FAAH2: variants seen among roughly 807,000 people sequenced by gnomAD.
The protein encoded by FAAH2 is fatty-acid amide hydrolase 2.
FAAH2 carries 60 observed loss-of-function variants against 36.9 expected under a neutral mutation model. That is an observed-to-expected ratio of 1.63 (90% CI 1.32 to 2.02). The LOEUF (loss-of-function observed/expected upper bound fraction) is 2.02. Ranked by LOEUF, FAAH2 falls within the 30% of genes most tolerant of loss-of-function variation. FAAH2 has a pLI of 0.00. For missense variants in FAAH2, 689 were observed against 397.5 expected (o/e 1.73, Z -6.23); for synonymous variants, 214 against 143.8 (o/e 1.49, Z -3.49).
At chrX:57,376,049 C>A (rs2054666608) in intron 5 of FAAH2, among the ~76,000 whole-genome samples, 1 of 111,229 alleles carries the variant, frequency 9.0e-6, no homozygotes, top group African/African-American at 3.3e-5. Context: ...GCAACAAGAG[C>A]AAGTGGGCTG....
At chrX:57,460,747 C>A (rs563261150) in intron 10 of FAAH2, among the ~76,000 whole-genome samples, 2 of 111,728 alleles carry the variant, frequency 1.8e-5, no homozygotes, top group African/African-American at 6.5e-5. Context: ...CATCAACTAA[C>A]GTGCAAAATA....
intron 5 of FAAH2, among the ~76,000 whole-genome samples, chrX:57,377,841 C>T (rs5914997): frequency 0.21 from 23,393 of 111,130 alleles, 2,269 homozygotes; most frequent in Middle Eastern, 0.55. Context: ...TTGTACTTCT[C>T]CTTGAAGAGG....
chrX:57,400,348 A>G (rs1317049769), intron 7 of FAAH2, among the ~76,000 whole-genome samples: 3 of 112,043 alleles, frequency 2.7e-5, no homozygotes, highest in Non-Finnish European at 3.8e-5. Flanking sequence ...CACTACATCA[A>G]TTTCCTTACT....
At chrX:57,405,999 G>A (rs911846538) in intron 7 of FAAH2, among the ~76,000 whole-genome samples, 13 of 109,385 alleles carry the variant, frequency 1.2e-4, no homozygotes, top group Non-Finnish European at 2.3e-4. Flanking sequence ...GATGTCCTTT[G>A]GGGGTGTCAA....
the FAAH2 span, among the ~76,000 whole-genome samples, chrX:57,160,036 T>G: frequency 8.9e-6 from 1 of 112,164 alleles, no homozygotes; most frequent in Non-Finnish European, 1.9e-5. Context: ...TATTGAGAAT[T>G]TTTAGCATGA....
chrX:57,137,456 G>A, the FAAH2 span: 23 of 557,391 alleles, frequency 4.1e-5, no homozygotes, highest in South Asian at 9.3e-5. Flanking sequence ...TGTTGGTGGC[G>A]GCCACCCCTC....
intron 7 of FAAH2, among the ~76,000 whole-genome samples, chrX:57,409,425 T>C (rs780246623): frequency 1.8e-5 from 2 of 111,691 alleles, no homozygotes; most frequent in African/African-American, 3.2e-5. Context: ...CTGTAATTTT[T>C]TTCCTCCTCT....
intron 7 of FAAH2, among the ~76,000 whole-genome samples, chrX:57,389,872 T>A (rs1388636144): frequency 2.7e-5 from 3 of 110,694 alleles, no homozygotes; most frequent in Non-Finnish European, 3.8e-5. Flanking sequence ...TAAAAAAAAA[T>A]AATAGCTATG....
chrX:57,261,798 T>A, the FAAH2 span, among the ~76,000 whole-genome samples: 2 of 110,109 alleles, frequency 1.8e-5, no homozygotes, highest in African/African-American at 6.6e-5. Context: ...AGGTAATGAG[T>A]TAGGAAGCAG....
At chrX:57,391,350 G>A (rs770412012) in intron 7 of FAAH2, among the ~76,000 whole-genome samples, 152 of 110,903 alleles carry the variant, frequency 1.4e-3, no homozygotes, top group Non-Finnish European at 1.7e-3. Context: ...TTTTGTTTTC[G>A]TTGCATTTGC....
chrX:57,444,957 A>G (rs150056451), intron 8 of FAAH2, among the ~76,000 whole-genome samples: 1 of 111,684 alleles, frequency 9.0e-6, no homozygotes, highest in Non-Finnish European at 1.9e-5. Context: ...CAATTCACAT[A>G]TCTCTGTCAC....
the FAAH2 span, among the ~76,000 whole-genome samples, chrX:57,279,042 T>G: frequency 8.9e-6 from 1 of 112,300 alleles, no homozygotes; most frequent in Non-Finnish European, 1.9e-5. Flanking sequence ...GAAGACAATG[T>G]GGCAATTCCT....
Position 57,446,915 on chromosome X carries a change from C to T in FAAH2, c.1117-13C>T. 6.0e-6 allele frequency: 7 copies of T among 1,172,766 alleles called. No homozygotes were observed. Among genetic ancestry groups the T allele is most frequent in the Non-Finnish European group, 8.1e-6 (7 of 864,229 alleles). ...AAATACTCTTGTATTTTATTTCTTTCCTTCAATCTCAGGAACCTGTGAAAT... is the reference window on the plus strand; with the variant it reads ...AAATACTCTTGTATTTTATTTCTTTTCTTCAATCTCAGGAACCTGTGAAAT... On this transcript the variant is annotated splice_polypyrimidine_tract_variant and intron_variant, in intron 8 of 10. Transcript: ENST00000374900.
intron 7 of FAAH2, among the ~76,000 whole-genome samples, chrX:57,407,621 G>A (rs1269244429): frequency 9.0e-6 from 1 of 111,374 alleles, no homozygotes; most frequent in Non-Finnish European, 1.9e-5. Flanking sequence ...TTCCACTCGG[G>A]GTGACTGCTC....
the FAAH2 span, among the ~76,000 whole-genome samples, chrX:57,239,739 A>G: frequency 1.8e-5 from 2 of 111,511 alleles, no homozygotes; most frequent in African/African-American, 3.3e-5. Flanking sequence ...TTTTAAAAAG[A>G]ATTAAAATTT....
chrX:57,478,519 T>C (rs1180073332), intron 10 of FAAH2, among the ~76,000 whole-genome samples: 9 of 111,847 alleles, frequency 8.0e-5, no homozygotes, highest in Non-Finnish European at 1.3e-4. Flanking sequence ...ATTTTGGCTT[T>C]TGTTGTAATT....
At chrX:57,159,192 T>G in the FAAH2 span, among the ~76,000 whole-genome samples, 4 of 111,651 alleles carry the variant, frequency 3.6e-5, no homozygotes, top group Admixed American at 9.5e-5. Context: ...CTGTTCCATT[T>G]GTCTATATCT....
At chrX:57,132,440 C>T in the FAAH2 span, among the ~76,000 whole-genome samples, 20 of 112,333 alleles carry the variant, frequency 1.8e-4, no homozygotes, top group African/African-American at 4.8e-4. Flanking sequence ...CTATGGTTTT[C>T]ACTGGGAATT....
chrX:57,138,478 T>C, the FAAH2 span, among the ~76,000 whole-genome samples: 3 of 110,826 alleles, frequency 2.7e-5, no homozygotes, highest in Non-Finnish European at 5.7e-5. Flanking sequence ...ACAGTTAAGT[T>C]GATTCCATAT....
Sources: allele counts gnomAD v4.1 joint callset (sites outside exome capture counted in the v4.1 genomes callset), GRCh38; gene constraint gnomAD v4.1.1; transcripts MANE v1.5; gene names NCBI Gene and HGNC (gene_info 2026-07-23, HGNC 2026-07-21).